AARS1: variants seen among roughly 807,000 people sequenced by gnomAD.
The protein encoded by AARS1 is alanyl-tRNA synthetase 1, also known as alanine--tRNA ligase, cytoplasmic.
Under a neutral mutation model 108.9 loss-of-function variants are expected in AARS1, and 72 were observed. That is an observed-to-expected ratio of 0.66 (90% confidence interval 0.55 to 0.80). The LOEUF (loss-of-function observed/expected upper bound fraction) is 0.80, where lower values mean the gene tolerates loss of function less well. AARS1 is among the 30% of genes least tolerant of loss of function. The pLI, the probability that AARS1 is intolerant of heterozygous loss-of-function variation, is 0.00. For missense variants in AARS1, 1,193 were observed against 1,233.2 expected, an observed-to-expected ratio of 0.97 and a Z score of 0.49; for synonymous variants, 489 against 465.7, an observed-to-expected ratio of 1.05 and a Z score of -0.64.
chr16:70,267,368 A>G (rs1030445363), intron 9 of AARS1, among the ~76,000 whole-genome samples: 3 of 151,896 alleles, frequency 2.0e-5, no homozygotes, highest in Admixed American at 1.3e-4. Flanking sequence ...AGAATCCTGA[A>G]GAGTTCTACA....
chr16:70,260,440 G>T (rs1960105120), intron 13 of AARS1, among the ~76,000 whole-genome samples: 1 of 152,190 alleles, frequency 6.6e-6, no homozygotes, highest in South Asian at 2.1e-4. Context: ...TCACATGCCA[G>T]AGCCTACCTC....
At position 70,255,784 on chromosome 16, in the gene AARS1, C is replaced by T; in HGVS notation, c.2230G>A (p.Ala744Thr). The change falls in exon 16 of 21, where the codon GCC becomes ACC. Residue 744 changes from alanine to threonine, a missense_variant. Transcript: ENST00000261772. ...AGAFVIVTEE[A>T]IAKGIRRIVA... ...ATCCTCCGGATACCCTTGGCAATGG[C>T]TTCTTCCGTCACGATCACAAAAGCT... The T allele has an allele frequency of 6.2e-7, 1 of 1,614,230 alleles. No homozygotes were observed. The highest frequency in any genetic ancestry group is 8.5e-7 in the Non-Finnish European group (1 of 1,180,034).
intron 9 of AARS1, among the ~76,000 whole-genome samples, chr16:70,266,624 C>T (rs1050332381): frequency 5.3e-5 from 8 of 151,544 alleles, no homozygotes; most frequent in East Asian, 2.0e-4. Flanking sequence ...AGGATTCAAG[C>T]GATTCTCCTG....
At chr16:70,282,929 A>C (rs1960739943) in intron 1 of AARS1, 145 bp from the exon 2 acceptor site, 1 of 785,314 alleles carries the variant, frequency 1.3e-6, no homozygotes, top group Non-Finnish European at 2.1e-6. Context: ...TGTAATGTCC[A>C]AGGCTAAAAT....
Position 70,252,729 on chromosome 16 carries a change from T to G in AARS1, c.2899A>C (p.Lys967Gln). The change falls in exon 21 of 21, where the codon AAG (lysine) becomes CAG (glutamine). Residue 967 changes from lysine (K) to glutamine (Q), a missense_variant. By Grantham distance (53) the Lys-to-Gln change is moderately conservative. Transcript: ENST00000261772. ...GCCTCCTCCTTCCCCACTCAGTTCT[T>G]TACATCCCCGAGGCGCAGCTGGGCG... Reference protein sequence around the residue: ...SFAQLRLGDVKN With the variant: ...SFAQLRLGDVQN 1 of 1,614,090 alleles carries G rather than the reference T, an allele frequency of 6.2e-7. No homozygotes were observed. Among genetic ancestry groups the G allele is most frequent in the African/African-American group, 1.3e-5 (1 of 75,040 alleles).
chr16:70,264,897 T>C, intron 11 of AARS1, 61 bp downstream of exon 11: 1 of 1,607,830 alleles, frequency 6.2e-7, no homozygotes, highest in East Asian at 2.2e-5. Context: ...GAAACAATCT[T>C]TCAAATACCC....
At chr16:70,272,087 C>G in intron 4 of AARS1, 115 bp from the exon 5 acceptor site, 1 of 911,680 alleles carries the variant, frequency 1.1e-6, no homozygotes, top group Non-Finnish European at 1.8e-6. Flanking sequence ...GCTCATGTTA[C>G]TGCACTCCAG....
chr16:70,284,100 G>A (rs1458198443), intron 1 of AARS1, among the ~76,000 whole-genome samples: 1 of 152,070 alleles, frequency 6.6e-6, no homozygotes, highest in African/African-American at 2.4e-5. Context: ...AGGAGATCCA[G>A]AACATCCTGG....
At chr16:70,267,832 A>G (rs776638537) in intron 8 of AARS1, 23 bp from the exon 9 acceptor site, 3 of 1,614,108 alleles carry the variant, frequency 1.9e-6, no homozygotes, top group Non-Finnish European at 2.5e-6. Context: ...AAGCAAGATG[A>G]GGGGCTGGAT....
intron 13 of AARS1, 92 bp from the exon 14 acceptor site, chr16:70,259,278 T>C: frequency 7.6e-7 from 1 of 1,316,476 alleles, no homozygotes; most frequent in Non-Finnish European, 1.1e-6. Context: ...CAATTTTTAG[T>C]TGGAAATATG....
At chr16:70,281,021 G>A (rs1189620644) in intron 2 of AARS1, among the ~76,000 whole-genome samples, 3 of 152,022 alleles carry the variant, frequency 2.0e-5, no homozygotes, top group Non-Finnish European at 4.4e-5. Context: ...TAAGAGACAG[G>A]GTTTCACCAT....
At chr16:70,265,315 C>CGT (rs1960236618) in intron 10 of AARS1, 1 of 908,760 alleles carries the variant, frequency 1.1e-6, no homozygotes, top group Non-Finnish European at 1.7e-6. Flanking sequence ...CTACCAAGTA[C>CGT]GTGACAGCAG....
intron 7 of AARS1, among the ~76,000 whole-genome samples, chr16:70,269,105 C>T (rs529635695): frequency 9.9e-5 from 15 of 151,738 alleles, no homozygotes; most frequent in Admixed American, 3.3e-4. Context: ...GGGCGGATCA[C>T]CTGAGGTTGG....
At position 70,267,660 on chromosome 16, in the gene AARS1, G is replaced by A. The variant is rs199547987; in HGVS notation, c.1221C>T (p.Pro407=). 29 of 1,614,142 alleles carry A rather than the reference G, an allele frequency of 1.8e-5. No homozygotes were observed. The East Asian group carries it at 2.9e-4, about 16-fold the overall frequency. The part of the protein sequence containing the change: ...IQSLGDSKTI[P]GDTAWLLYDT... ...AGAAGGGCAAAAACTGGTACCTACC[G>A]GGAATGGTCTTGCTGTCTCCCAGGC... is the stretch of plus-strand genomic sequence containing the variant. Residue 407 remains proline, a splice_region_variant and synonymous_variant, in exon 9 of 21, where the codon CCC becomes CCT. Transcript: ENST00000261772.
rs1467008284 is a variant in AARS1, at chr16:70,259,127, C to G, written c.1845G>C (p.Leu615=). The G allele has an allele frequency of 6.2e-7, 1 of 1,613,998 alleles. No individual in the cohort carries two copies. Among genetic ancestry groups the G allele is most frequent in the Non-Finnish European group, 8.5e-7 (1 of 1,180,038 alleles). The change falls in exon 14 of 21, where the codon CTG becomes CTC. Residue 615 remains leucine (L), a synonymous_variant. Coordinates refer to ENST00000261772, the MANE Select transcript of AARS1 (RefSeq NM_001605.3). ...HTATHILNFA[L]RSVLGEADQK... ...GGTCAGCTTCCCCAAGCACTGAGCG[C>G]AGGGCGAAGTTCAGAATGTGCGTAG...
intron 1 of AARS1, among the ~76,000 whole-genome samples, chr16:70,288,487 C>A (rs945831671): frequency 4.6e-5 from 7 of 151,762 alleles, no homozygotes; most frequent in African/African-American, 1.5e-4. Flanking sequence ...TTTCCATACG[C>A]GCTTCATGGA....
chr16:70,268,516 G>C lies in AARS1; in HGVS notation c.963-137C>G, dbSNP rs1476163268. ...GCCTGCTTCTTTCGCATTCCCCAAG[G>C]TCATTAATTTTAGCACAAGACTCAG... On this transcript the variant is annotated intron_variant, in intron 7 of 20. Coordinates refer to ENST00000261772, the MANE Select transcript of AARS1 (RefSeq NM_001605.3). The C allele has an allele frequency of 1.8e-5, 12 of 681,508 alleles. No individual in the cohort carries two copies. The South Asian group carries it at 2.2e-4, about 12-fold the overall frequency. The allele number at this position is 681,508 out of a possible 1,614,324, so 42.2% of individuals were successfully genotyped here. A position where few individuals can be genotyped will look rare whatever the true frequency, so the allele number is the denominator to read the frequency against.
At chr16:70,268,782 C>A (rs1215207179) in intron 7 of AARS1, among the ~76,000 whole-genome samples, 1 of 152,212 alleles carries the variant, frequency 6.6e-6, no homozygotes, top group Non-Finnish European at 1.5e-5. Context: ...ATCATCTGTA[C>A]TCAGCAGCAG....
intron 7 of AARS1, among the ~76,000 whole-genome samples, chr16:70,269,320 CAGAAAAAAAAAAAAAAAAAA>C: frequency 5.5e-5 from 1 of 18,100 alleles, no homozygotes; most frequent in Admixed American, 1.1e-3. Flanking sequence ...AATTCTGTCT[CAGAAAAAAAAAAAAAAAAAA>C]AAAAAAAAAA....
Sources: gnomAD v4.1 joint callset for allele counts (sites outside exome capture counted in the v4.1 genomes callset) on GRCh38, gnomAD v4.1.1 for gene constraint, MANE v1.5 for transcripts, NCBI Gene and HGNC (gene_info 2026-07-23, HGNC 2026-07-21) for gene names.